Variants in ADAM10 observed in about 807,000 individuals in gnomAD.
ADAM10 encodes disintegrin and metalloproteinase domain-containing protein 10.
In ADAM10, 17 loss-of-function variants were observed where a neutral mutation model predicts 90.1. That is an observed-to-expected ratio of 0.19 (90% confidence interval 0.13 to 0.28). ADAM10 has a LOEUF of 0.28. ADAM10 is among the 10% of genes least tolerant of loss of function. The pLI, the probability that ADAM10 is intolerant of heterozygous loss-of-function variation, is 1.00. For synonymous variants in ADAM10, 310 were observed against 298.6 expected (o/e 1.04, Z -0.40); for missense variants, 610 against 914.3 (o/e 0.67, Z 4.29).
chr15:58,685,578 A>ATATATATATG (rs1555417913), intron 2 of ADAM10, among the ~76,000 whole-genome samples: 1 of 139,640 alleles, frequency 7.2e-6, no homozygotes, highest in Non-Finnish European at 1.6e-5. Flanking sequence ...ATATATATAT[A>ATATATATATG]TATATGTATA....
At chr15:58,655,870 C>T (rs1896817465) in intron 5 of ADAM10, among the ~76,000 whole-genome samples, 1 of 148,924 alleles carries the variant, frequency 6.7e-6, no homozygotes, top group Admixed American at 6.7e-5. Flanking sequence ...CCTCAGCCTC[C>T]TGAGTAGCTG....
intron 5 of ADAM10, among the ~76,000 whole-genome samples, chr15:58,658,527 T>G (rs1336590538): frequency 6.6e-6 from 1 of 152,220 alleles, no homozygotes; most frequent in Non-Finnish European, 1.5e-5. Flanking sequence ...TGTCAACTAC[T>G]AGATAAATGT....
chr15:58,735,491 C>A (rs188883563), intron 1 of ADAM10, among the ~76,000 whole-genome samples: 2 of 152,186 alleles, frequency 1.3e-5, no homozygotes, highest in African/African-American at 4.8e-5. Context: ...AAATCCCTGA[C>A]AAAATGACGC....
At chr15:58,730,996 C>CTA (rs1392763356) in intron 1 of ADAM10, among the ~76,000 whole-genome samples, 1 of 152,170 alleles carries the variant, frequency 6.6e-6, no homozygotes, top group East Asian at 1.9e-4. Context: ...TGCAGACTGC[C>CTA]TATCATGGGA....
intron 4 of ADAM10, among the ~76,000 whole-genome samples, chr15:58,667,120 C>A (rs1356763857): frequency 6.6e-6 from 1 of 152,088 alleles, no homozygotes; most frequent in Non-Finnish European, 1.5e-5. Context: ...CTGAAAAGGC[C>A]AAACAGCATA....
chr15:58,635,780 T>A (rs16940629), intron 8 of ADAM10, among the ~76,000 whole-genome samples: 11,894 of 141,624 alleles, frequency 0.084, 1,346 homozygotes, highest in African/African-American at 0.26. Context: ...ACACTTCAAA[T>A]CTTTATCAGT....
At chr15:58,666,266 G>A (rs12594742) in intron 4 of ADAM10, among the ~76,000 whole-genome samples, 29,588 of 148,702 alleles carry the variant, frequency 0.2, 3,497 homozygotes, top group African/African-American at 0.33. Flanking sequence ...CCACCCCAAC[G>A]CCCCTGAAGG....
intron 1 of ADAM10, among the ~76,000 whole-genome samples, chr15:58,738,466 A>C (rs1899501119): frequency 6.6e-6 from 1 of 152,210 alleles, no homozygotes; most frequent in African/African-American, 2.4e-5. Context: ...CTATTTTTTC[A>C]CTAGAAATCA....
chr15:58,746,681 T>C (rs1347796780), intron 1 of ADAM10, among the ~76,000 whole-genome samples: 4 of 152,060 alleles, frequency 2.6e-5, no homozygotes, highest in Non-Finnish European at 5.9e-5. Context: ...GAAGCCAAGG[T>C]AGGTGGGTCG....
chr15:58,717,347 T>C (rs1325379869), intron 2 of ADAM10, among the ~76,000 whole-genome samples: 3 of 152,240 alleles, frequency 2.0e-5, no homozygotes, highest in African/African-American at 7.2e-5. Context: ...ATGTAAGATC[T>C]GATTCATAAA....
intron 14 of ADAM10, among the ~76,000 whole-genome samples, chr15:58,605,406 G>A (rs1895241600): frequency 6.6e-6 from 1 of 152,092 alleles, no homozygotes; most frequent in Non-Finnish European, 1.5e-5. Context: ...AAAATAAATA[G>A]TGCATCTGAA....
intron 5 of ADAM10, among the ~76,000 whole-genome samples, chr15:58,664,305 T>C (rs1362715180): frequency 2.6e-5 from 4 of 152,120 alleles, no homozygotes; most frequent in Admixed American, 6.6e-5. Context: ...AATTAAACGA[T>C]AACCTTTTGA....
intron 5 of ADAM10, among the ~76,000 whole-genome samples, chr15:58,646,536 T>C (rs1320416200): frequency 3.3e-5 from 5 of 152,162 alleles, no homozygotes; most frequent in Non-Finnish European, 7.4e-5. Context: ...TACCATCCAG[T>C]TCTGTCAAAT....
At chr15:58,723,997 G>A (rs748592944) in intron 1 of ADAM10, among the ~76,000 whole-genome samples, 3 of 151,970 alleles carry the variant, frequency 2.0e-5, no homozygotes, top group Non-Finnish European at 1.5e-5. Context: ...ATGGGAGGCC[G>A]AGGCAGGTGG....
At chr15:58,749,306 A>C (rs1467330878) in intron 1 of ADAM10, among the ~76,000 whole-genome samples, 174 bp downstream of exon 1, 6 of 152,062 alleles carry the variant, frequency 3.9e-5, no homozygotes, top group African/African-American at 1.4e-4. Flanking sequence ...CCGAAGGGAA[A>C]GCGGTCGGGG....
chr15:58,676,571 T>C (rs1306519237), intron 4 of ADAM10, among the ~76,000 whole-genome samples: 1 of 152,118 alleles, frequency 6.6e-6, no homozygotes, highest in African/African-American at 2.4e-5. Flanking sequence ...TTTTAAATGG[T>C]TAAAGAAAAA....
chr15:58,621,365 A>G, intron 11 of ADAM10, 106 bp downstream of exon 11: 1 of 1,414,106 alleles, frequency 7.1e-7, no homozygotes, highest in Non-Finnish European at 1.0e-6. Flanking sequence ...AGATAAAAGC[A>G]AAGTTTCAAA....
At chr15:58,672,992 C>T (rs1475263142) in intron 4 of ADAM10, 1 of 213,010 alleles carries the variant, frequency 4.7e-6, no homozygotes, top group African/African-American at 2.3e-5. Flanking sequence ...CTGTACACAA[C>T]TCACTCCTTT....
intron 1 of ADAM10, among the ~76,000 whole-genome samples, chr15:58,747,077 T>C (rs901339338): frequency 6.6e-6 from 1 of 152,212 alleles, no homozygotes; most frequent in Admixed American, 6.5e-5. Flanking sequence ...ATTTCGGGCA[T>C]GATTTCATCA....
Sources: allele counts gnomAD v4.1 joint callset (sites outside exome capture counted in the v4.1 genomes callset), GRCh38; gene constraint gnomAD v4.1.1; transcripts MANE v1.5; gene names NCBI Gene and HGNC (gene_info 2026-07-23, HGNC 2026-07-21).